The following ELL variants were observed in gnomAD, a reference collection of about 807,000 sequenced individuals.
ELL encodes RNA polymerase II elongation factor ELL.
In ELL, 18 loss-of-function variants were observed where a neutral mutation model predicts 64.0. That is an observed-to-expected ratio of 0.28 (90% confidence interval 0.19 to 0.42). ELL has a LOEUF of 0.42. ELL is among the 10% of genes least tolerant of loss of function. The pLI is 1.00. For missense variants in ELL, 797 were observed against 870.4 expected (o/e 0.92, Z 1.06); for synonymous variants, 399 against 376.2 (o/e 1.06, Z -0.70).
chr19:18,509,478 G>A (rs906686133), intron 1 of ELL, among the ~76,000 whole-genome samples: 3 of 151,980 alleles, frequency 2.0e-5, no homozygotes, highest in Admixed American at 1.3e-4. Context: ...GCCCCCACCC[G>A]GCCCCTTGGC....
intron 10 of ELL, chr19:18,446,024 G>A: frequency 2.3e-6 from 1 of 435,856 alleles, no homozygotes; most frequent in Non-Finnish European, 4.1e-6. Flanking sequence ...AAACATGTGG[G>A]GATCCATGTA....
intron 1 of ELL, among the ~76,000 whole-genome samples, chr19:18,480,034 C>T (rs1311474107): frequency 2.6e-5 from 4 of 152,202 alleles, no homozygotes; most frequent in Admixed American, 6.5e-5. Flanking sequence ...CAGGAAATGA[C>T]AGAAAGGAAT....
chr19:18,515,784 C>T (rs1976115805), intron 1 of ELL, among the ~76,000 whole-genome samples: 1 of 152,196 alleles, frequency 6.6e-6, no homozygotes, highest in African/African-American at 2.4e-5. Flanking sequence ...GTCAAGACCC[C>T]TGCAACCTCA....
chr19:18,482,554 T>TTA (rs1975324732), intron 1 of ELL, among the ~76,000 whole-genome samples: 1 of 152,050 alleles, frequency 6.6e-6, no homozygotes, highest in Non-Finnish European at 1.5e-5. Flanking sequence ...GCCAGGCTGA[T>TTA]CTCAAACTCC....
intron 8 of ELL, 76 bp downstream of exon 8, chr19:18,450,401 G>A (rs914714166): frequency 1.4e-5 from 22 of 1,553,746 alleles, no homozygotes; most frequent in African/African-American, 9.5e-5. Context: ...GAGCCCCCTC[G>A]ACACCCCATG....
At chr19:18,459,721 T>A (rs1974761943) in intron 5 of ELL, among the ~76,000 whole-genome samples, 1 of 148,540 alleles carries the variant, frequency 6.7e-6, no homozygotes, top group African/African-American at 2.5e-5. Context: ...AGAGATGGGG[T>A]TTCACCATGT....
At chr19:18,470,864 C>A in intron 2 of ELL, 1 of 436,978 alleles carries the variant, frequency 2.3e-6, no homozygotes, top group East Asian at 7.1e-5. Flanking sequence ...GGGTTACAGA[C>A]TCCCCAGCCC....
At chr19:18,469,434 C>T (rs192521175) in intron 2 of ELL, among the ~76,000 whole-genome samples, 2 of 152,316 alleles carry the variant, frequency 1.3e-5, no homozygotes, top group Admixed American at 1.3e-4. Flanking sequence ...CAAGAGCTTG[C>T]CCGGGTTCTG....
rs1010210728 is a variant in ELL at position 18,450,774 on chromosome 19, G to A, written c.1168C>T (p.Pro390Ser). Residue 390 changes from proline (P) to serine (S), a missense_variant, in exon 8 of 12, where the codon CCC becomes TCC. By Grantham distance (74) the Pro-to-Ser change is moderately conservative. Coordinates refer to ENST00000262809, the MANE Select transcript of ELL (RefSeq NM_006532.4). ...GCCAGGGGGTCGTGGGCCCTCGGGG[G>A]CTCCAGCCGCGGGGGCAGGTGAGTG... Reference protein sequence around the residue: ...SSTHLPPRLEPPRAHDPLADV... With the variant: ...SSTHLPPRLESPRAHDPLADV... 6.3e-7 allele frequency: 1 copy of A among 1,578,740 alleles called. No homozygotes were observed. The highest frequency in any genetic ancestry group is 8.6e-7 in the Non-Finnish European group (1 of 1,162,618).
chr19:18,484,374 A>G (rs1975368218), intron 1 of ELL, among the ~76,000 whole-genome samples: 1 of 152,216 alleles, frequency 6.6e-6, no homozygotes, highest in Admixed American at 6.5e-5. Context: ...CTGAGGCAAG[A>G]AAATCGCTTG....
chr19:18,444,643 G>A lies in ELL; in HGVS notation c.*109C>T, dbSNP rs1974370545. The A allele has an allele frequency of 4.0e-6, 5 of 1,251,090 alleles. No individual in the cohort carries two copies. Among genetic ancestry groups the A allele is most frequent in the Non-Finnish European group, 4.4e-6 (4 of 909,166 alleles). 77.5% of individuals were successfully genotyped at this position (1,251,090 alleles called of 1,614,324 possible). A position where few individuals can be genotyped will look rare whatever the true frequency, so the allele number is the denominator to read the frequency against. ...GCAGGGGCTGCCCTGAAAGCCGGCG[G>A]TGCTGGCTCAGATGAGCATCTTCCT... On this transcript the variant is annotated 3_prime_UTR_variant, in exon 12 of 12. Transcript: ENST00000262809.
At chr19:18,465,730 C>G in intron 3 of ELL, 67 bp downstream of exon 3, 1 of 1,435,936 alleles carries the variant, frequency 7.0e-7, no homozygotes, top group Non-Finnish European at 9.2e-7. Flanking sequence ...CATCTCAACC[C>G]TGGGCCAGAG....
intron 1 of ELL, among the ~76,000 whole-genome samples, chr19:18,485,429 C>T (rs1975389545): frequency 6.6e-6 from 1 of 152,198 alleles, no homozygotes; most frequent in South Asian, 2.1e-4. Context: ...AGACTGGCCC[C>T]TTCTGCCGAG....
intron 1 of ELL, among the ~76,000 whole-genome samples, chr19:18,515,388 T>C (rs1976106956): frequency 6.6e-6 from 1 of 152,222 alleles, no homozygotes; most frequent in South Asian, 2.1e-4. Flanking sequence ...GCGGCCACAG[T>C]CCTTCAGAGG....
chr19:18,450,891 C>A lies in ELL; in HGVS notation c.1051G>T (p.Ala351Ser). The change falls in exon 8 of 12, where the codon GCC (alanine) becomes TCC (serine). Residue 351 changes from alanine to serine, a missense_variant. By Grantham distance (99) the Ala-to-Ser change is moderately conservative. Coordinates refer to ENST00000262809, the MANE Select transcript of ELL (RefSeq NM_006532.4). Reference sequence around the variant, plus strand: ...GGCACGCCCAGCTTCCCGTTGACGGCAGGCTGAGCTCTCTGAGTGAAGTGC... The same window carrying A: ...GGCACGCCCAGCTTCCCGTTGACGGAAGGCTGAGCTCTCTGAGTGAAGTGC... Reference protein sequence around the residue: ...ISHFTQRAQPAVNGKLGVPNG... With the variant: ...ISHFTQRAQPSVNGKLGVPNG... The A allele has an allele frequency of 1.3e-6, 2 of 1,572,526 alleles. No homozygotes were observed. The highest frequency in any genetic ancestry group is 1.9e-5 in the Admixed American group (1 of 52,718).
At chr19:18,511,785 G>A (rs1464636314) in intron 1 of ELL, among the ~76,000 whole-genome samples, 2 of 151,986 alleles carry the variant, frequency 1.3e-5, no homozygotes, top group Non-Finnish European at 2.9e-5. Context: ...TTGGGAGGCT[G>A]AGGTTGGAGG....
chr19:18,482,763 T>TTTGTTGTTGTTGTTG (rs71336679), intron 1 of ELL, among the ~76,000 whole-genome samples: 3,170 of 149,646 alleles, frequency 0.021, 61 homozygotes, highest in African/African-American at 0.05. Flanking sequence ...CTTTTTGGTT[T>TTTGTTGTTGTTGTTG]TTGTTGTTGT....
In ELL at chr19:18,450,682, G is replaced by C. The variant is rs1974509799; in HGVS notation, c.1260C>G (p.Ala420=). ...DCEHGEAAAP[A]PTVRLGLPLL... ...GGGGCAGGCCGAGGCGCACAGTGGG[G>C]GCTGGGGCAGCCGCCTCTCCGTGCT... is the stretch of plus-strand genomic sequence containing the variant. The change falls in exon 8 of 12, where the codon GCC becomes GCG. Residue 420 remains alanine (A), a synonymous_variant. Coordinates refer to ENST00000262809, the MANE Select transcript of ELL (RefSeq NM_006532.4). 6.3e-7 allele frequency: 1 copy of C among 1,585,684 alleles called. No homozygotes were observed. The highest frequency in any genetic ancestry group is 8.6e-7 in the Non-Finnish European group (1 of 1,166,722).
chr19:18,467,667 AC>A lies in ELL; in HGVS notation c.184-1750del, dbSNP rs1427080650. Among the ~76,000 whole-genome samples the A allele has an allele frequency of 6.0e-4, 58 of 96,360 alleles. 1 individual carries two copies. The East Asian group carries it at 0.016, about 27-fold the overall frequency. 63.2% of individuals were successfully genotyped at this position (96,360 alleles called of 152,430 possible). On this transcript the variant is annotated intron_variant, in intron 2 of 11. Transcript: ENST00000262809. ...CACACACACACACACACACACACAC[AC>A]ACACAAACACAACCCCTCCACACAC...
Sources: allele counts gnomAD v4.1 joint callset (sites outside exome capture counted in the v4.1 genomes callset), GRCh38; gene constraint gnomAD v4.1.1; transcripts MANE v1.5; gene names NCBI Gene and HGNC (gene_info 2026-07-23, HGNC 2026-07-21).